TEKT3: variants seen among roughly 807,000 people sequenced by gnomAD.
TEKT3 encodes tektin-3.
In TEKT3, 49 loss-of-function variants were observed where a neutral mutation model predicts 49.8. The observed-to-expected ratio is 0.98, with a 90% CI of 0.78 to 1.25. TEKT3 has a LOEUF of 1.25. Ranked by LOEUF, TEKT3 falls within the 50% of genes most tolerant of loss-of-function variation. TEKT3 has a pLI of 0.00. For synonymous variants in TEKT3, 225 were observed against 237.2 expected, an observed-to-expected ratio of 0.95 and a Z score of 0.47; for missense variants, 595 against 629.5, an observed-to-expected ratio of 0.95 and a Z score of 0.59.
intron 5 of TEKT3, among the ~76,000 whole-genome samples, chr17:15,316,043 G>A (rs1483742166): frequency 2.0e-5 from 3 of 152,170 alleles, no homozygotes; most frequent in Non-Finnish European, 4.4e-5. Context: ...TGAGAGTAGC[G>A]ACATGCAAAT....
At chr17:15,332,136 T>A (rs1056634420) in intron 2 of TEKT3, among the ~76,000 whole-genome samples, 1 of 151,958 alleles carries the variant, frequency 6.6e-6, no homozygotes, top group African/African-American at 2.4e-5. Context: ...TAGATTGCAA[T>A]GAGCTGAGAT....
chr17:15,304,125 G>T lies in TEKT3; in HGVS notation c.1284C>A (p.Asp428Glu), dbSNP rs758376515. 3 of 1,614,150 alleles carry T rather than the reference G, an allele frequency of 1.9e-6. No individual in the cohort carries two copies. The South Asian group carries it at 3.3e-5, about 18-fold the overall frequency. The part of the protein sequence containing the change: ...LRLVNEVHEV[D>E]DTIQTLQQRL... Reference sequence around the variant, plus strand: ...GCTGCTGCAGGGTCTGGATGGTGTCGTCAACCTCGTGTACCTCGTTAACAA... The same window carrying T: ...GCTGCTGCAGGGTCTGGATGGTGTCTTCAACCTCGTGTACCTCGTTAACAA... The change falls in exon 9 of 9, where the codon GAC becomes GAA. Residue 428 changes from aspartate to glutamate, a missense_variant. By Grantham distance (45) the Asp-to-Glu change is conservative. Transcript: ENST00000395930. This position sits in a 1 kb window ranked among gnomAD's most constrained non-coding sequence, Gnocchi z 4.7.
intron 8 of TEKT3, among the ~76,000 whole-genome samples, 164 bp downstream of exon 8, chr17:15,308,500 C>T (rs1910631622): frequency 6.6e-6 from 1 of 152,200 alleles, no homozygotes; most frequent in Non-Finnish European, 1.5e-5. Flanking sequence ...TTCATCATCC[C>T]ACACTGAAAC....
chr17:15,305,596 T>A (rs550038416), intron 8 of TEKT3, among the ~76,000 whole-genome samples: 1 of 152,190 alleles, frequency 6.6e-6, no homozygotes, highest in East Asian at 1.9e-4. Context: ...TGATGGTGGA[T>A]TGTTTACAAT....
intron 7 of TEKT3, among the ~76,000 whole-genome samples, chr17:15,309,909 C>A (rs1398188787): frequency 6.6e-6 from 1 of 152,186 alleles, no homozygotes; most frequent in African/African-American, 2.4e-5. Flanking sequence ...TCCAACTACT[C>A]CTCATTCCCT....
intron 5 of TEKT3, among the ~76,000 whole-genome samples, chr17:15,317,559 G>C (rs1385195749): frequency 1.3e-5 from 2 of 152,102 alleles, no homozygotes; most frequent in Non-Finnish European, 2.9e-5. Flanking sequence ...TCCAACCTTC[G>C]TGGTGTTCAG....
At chr17:15,343,096 G>A (rs1325664759), upstream of TEKT3, among the ~76,000 whole-genome samples, 1 of 152,198 alleles carries the variant, frequency 6.6e-6, no homozygotes, top group Non-Finnish European at 1.5e-5. Flanking sequence ...AAGTAGATCT[G>A]ATTGCCCACA....
intron 8 of TEKT3, 82 bp downstream of exon 8, chr17:15,308,582 A>AAGC: frequency 6.5e-7 from 1 of 1,542,204 alleles, no homozygotes; most frequent in Non-Finnish European, 8.8e-7. Context: ...TATGGGCAGA[A>AAGC]AGCAGCTTTC....
intron 5 of TEKT3, among the ~76,000 whole-genome samples, chr17:15,318,822 T>A (rs1030800611): frequency 3.9e-5 from 6 of 152,196 alleles, no homozygotes; most frequent in Non-Finnish European, 8.8e-5. Context: ...TGTATTATTT[T>A]AAAAAATGTT....
At chr17:15,311,863 T>G (rs118053843) in intron 7 of TEKT3, among the ~76,000 whole-genome samples, 4,094 of 152,346 alleles carry the variant, frequency 0.027, 96 homozygotes, top group Middle Eastern at 0.054. Context: ...AACAGTTTCC[T>G]GTATTTGGTT....
intron 5 of TEKT3, among the ~76,000 whole-genome samples, chr17:15,315,360 TG>T (rs1910955637): frequency 6.6e-6 from 1 of 152,028 alleles, no homozygotes. Flanking sequence ...CGAGTAAAAT[TG>T]GAGGCCATTG....
rs551283163 is a variant in TEKT3, at chr17:15,328,035, C to T, written c.620G>A (p.Gly207Glu). 1.2e-6 allele frequency: 2 copies of T among 1,614,080 alleles called. No individual in the cohort carries two copies. The highest frequency in any genetic ancestry group is 2.2e-5 in the South Asian group (2 of 91,072). ...AACTTCATCGTGAACTAGGTCGATT[C>T]CCATTCTCTTTTCTCGATGAAATAG... ...ECLFHREKRM[G>E]IDLVHDEVEA... The change falls in exon 4 of 9, where the codon GGA (glycine) becomes GAA (glutamate). Residue 207 changes from glycine to glutamate, a missense_variant. Gly to Glu is a moderately conservative substitution (Grantham distance 98). Transcript: ENST00000395930.
At chr17:15,314,029 G>A (rs1027881509) in intron 6 of TEKT3, 58 bp downstream of exon 6, 10 of 1,609,292 alleles carry the variant, frequency 6.2e-6, no homozygotes, top group East Asian at 2.2e-5. Flanking sequence ...GTGTCCTTTC[G>A]AAAGGAGAAA....
At chr17:15,339,811 C>T (rs902714200) in intron 2 of TEKT3, among the ~76,000 whole-genome samples, 1 of 152,174 alleles carries the variant, frequency 6.6e-6, no homozygotes, top group Non-Finnish European at 1.5e-5. Flanking sequence ...TAAAACAGCG[C>T]TGCCAATACA....
At chr17:15,305,725 G>T (rs955074636) in intron 8 of TEKT3, among the ~76,000 whole-genome samples, 1 of 150,858 alleles carries the variant, frequency 6.6e-6, no homozygotes, top group African/African-American at 2.4e-5. Context: ...CCAAATACGA[G>T]TCTAGTGGAA....
rs142272010 is a variant in TEKT3 at position 15,305,314 on chromosome 17, G to T, written c.1257-1162C>A. 5.2e-3 allele frequency among the ~76,000 whole-genome samples: 786 copies of T among 152,286 alleles called. 11 individuals carry two copies. The highest frequency in any genetic ancestry group is 0.018 in the African/African-American group (735 of 41,556). On this transcript the variant is annotated intron_variant, in intron 8 of 8. Coordinates refer to ENST00000395930, the MANE Select transcript of TEKT3 (RefSeq NM_031898.3). ...CAACAGGCCATGGGAACATATCCAC[G>T]CTGTGCAACACCTTTCATCTTACAA...
intron 2 of TEKT3, among the ~76,000 whole-genome samples, chr17:15,337,948 T>G (rs1292919458): frequency 1.3e-5 from 2 of 152,182 alleles, no homozygotes; most frequent in East Asian, 3.8e-4. Flanking sequence ...TCAAGTAGAC[T>G]TCTAAACAAG....
intron 3 of TEKT3, 117 bp downstream of exon 3, chr17:15,330,890 T>G: frequency 9.6e-7 from 1 of 1,045,938 alleles, no homozygotes; most frequent in Non-Finnish European, 1.3e-6. Context: ...GATTTATTGA[T>G]AGGGGGTTGG....
rs536477491 is a variant in TEKT3 at position 15,304,056 on chromosome 17, G to T, written c.1353C>A (p.Ile451=). 21 of 1,614,170 alleles carry T rather than the reference G, an allele frequency of 1.3e-5. No homozygotes were observed. In the South Asian group the frequency reaches 1.9e-4, roughly 14 times the overall value. The change falls in exon 9 of 9, where the codon ATC becomes ATA. Residue 451 remains isoleucine, a synonymous_variant. Coordinates refer to ENST00000395930, the MANE Select transcript of TEKT3 (RefSeq NM_031898.3). This position sits in a 1 kb window ranked among gnomAD's most constrained non-coding sequence, Gnocchi z 4.7. ...CCAGGTCATACTCGAGTGTGGCTTT[G>T]ATGTGGACCAGCGACTGCAGGGTGT... ...AEDTLQSLVH[I]KATLEYDLAV... is the part of the protein sequence containing the mutation.
Sources: allele counts gnomAD v4.1 joint callset (sites outside exome capture counted in the v4.1 genomes callset), GRCh38; gene constraint gnomAD v4.1.1; non-coding constraint Gnocchi (gnomAD v3.1); transcripts MANE v1.5; gene names NCBI Gene and HGNC (gene_info 2026-07-23, HGNC 2026-07-21).